PARD3: variants seen among roughly 807,000 people sequenced by gnomAD.
PARD3 encodes par-3 family cell polarity regulator, also known as partitioning defective 3 homolog.
PARD3 carries 75 observed loss-of-function variants against 155.4 expected under a neutral mutation model. That is an observed-to-expected ratio of 0.48 (90% CI 0.40 to 0.58). The LOEUF is 0.58. PARD3 is among the 20% of genes least tolerant of loss of function. PARD3 has a pLI of 0.00. For synonymous variants in PARD3, 576 were observed against 610.5 expected (o/e 0.94, Z 0.83); for missense variants, 1,642 against 1,721.7 (o/e 0.95, Z 0.82).
At chr10:34,691,800 CATCT>C (rs61185300) in intron 2 of PARD3, among the ~76,000 whole-genome samples, 64,299 of 151,730 alleles carry the variant, frequency 0.42, 15,342 homozygotes, top group African/African-American at 0.65. Context: ...CACCTACAAC[CATCT>C]ATCTGATCTT....
chr10:34,627,236 T>C lies in PARD3; in HGVS notation c.222+69082A>G, dbSNP rs1590294177. On this transcript the variant is annotated intron_variant, in intron 2 of 24. Coordinates refer to ENST00000374788, the MANE Select transcript of PARD3 (RefSeq NM_001184785.2). ...TAAACAGAGATGGGATCTCACTTTG[T>C]TGCTCAGGCTTGAACTCCTGAGCTC... 2.6e-5 allele frequency among the ~76,000 whole-genome samples: 4 copies of C among 152,134 alleles called. No individual in the cohort carries two copies. In the South Asian group the frequency reaches 8.3e-4, roughly 32 times the overall value.
chr10:34,585,543 CTTTCTT>C (rs796964301), intron 2 of PARD3, among the ~76,000 whole-genome samples: 13 of 126,846 alleles, frequency 1.0e-4, no homozygotes, highest in African/African-American at 3.5e-4. Flanking sequence ...TTTTCTTTTT[CTTTCTT>C]TTTTTTTTTG....
chr10:34,300,102 T>G (rs1026675731), intron 20 of PARD3, among the ~76,000 whole-genome samples: 1 of 152,186 alleles, frequency 6.6e-6, no homozygotes, highest in Non-Finnish European at 1.5e-5. Context: ...ATTAATAGTT[T>G]GAACATACCA....
chr10:34,665,724 G>A (rs961241342), intron 2 of PARD3, among the ~76,000 whole-genome samples: 3 of 151,768 alleles, frequency 2.0e-5, no homozygotes, highest in Admixed American at 2.0e-4. Context: ...TATAGTTCCA[G>A]CTACTCAGGA....
chr10:34,484,945 T>A (rs1029653271), intron 3 of PARD3, among the ~76,000 whole-genome samples: 3 of 152,096 alleles, frequency 2.0e-5, no homozygotes, highest in African/African-American at 7.2e-5. Flanking sequence ...TTTAGGACCT[T>A]CCTCCTCATT....
At chr10:34,132,704 G>A (rs1422614827) in intron 22 of PARD3, among the ~76,000 whole-genome samples, 1 of 152,134 alleles carries the variant, frequency 6.6e-6, no homozygotes, top group Non-Finnish European at 1.5e-5. Flanking sequence ...GGAGAGGGCG[G>A]TTCCTCAGCA....
chr10:34,495,874 T>C (rs60127563), intron 3 of PARD3, among the ~76,000 whole-genome samples: 9,822 of 150,892 alleles, frequency 0.065, 1,093 homozygotes, highest in African/African-American at 0.23. Context: ...CGTGAGGATG[T>C]GGCCCCAGAA....
intron 2 of PARD3, among the ~76,000 whole-genome samples, chr10:34,640,107 C>A (rs578240497): frequency 1.1e-4 from 17 of 152,302 alleles, no homozygotes; most frequent in African/African-American, 4.1e-4. Flanking sequence ...TCTTGTACAA[C>A]TGAAGAAAGA....
intron 22 of PARD3, among the ~76,000 whole-genome samples, chr10:34,265,248 C>T (rs1463318811): frequency 1.3e-5 from 2 of 152,192 alleles, no homozygotes; most frequent in Non-Finnish European, 2.9e-5. Context: ...GGGACTATTT[C>T]TAGACATGGC....
intron 22 of PARD3, among the ~76,000 whole-genome samples, chr10:34,240,387 G>A (rs975812249): frequency 6.6e-6 from 1 of 152,136 alleles, no homozygotes; most frequent in Non-Finnish European, 1.5e-5. Context: ...TGTTTTGGGG[G>A]CTGGATGATC....
At chr10:34,809,000 C>T (rs1843742116) in intron 1 of PARD3, among the ~76,000 whole-genome samples, 1 of 152,176 alleles carries the variant, frequency 6.6e-6, no homozygotes, top group South Asian at 2.1e-4. Context: ...TTGAACCTCG[C>T]CCAAGGCGAA....
chr10:34,341,798 G>A lies in PARD3; in HGVS notation c.2237C>T (p.Pro746Leu). The part of the protein sequence containing the change: ...SRIMGKYQLS[P>L]TVNMPQDDTV... The stretch of plus-strand genomic sequence containing the variant: ...GTCATCTTGGGGCATATTCACTGTA[G>A]GGGACAGCTGGTATTTACCTGTCCA... Residue 746 changes from proline to leucine, a missense_variant, in exon 16 of 25, where the codon CCT becomes CTT. Physicochemically the swap from Pro to Leu is moderately conservative, Grantham distance 98. Around this residue, in one of 3 missense-constraint regions of PARD3, gnomAD observed 1,529 missense variants for 1,587.3 expected, o/e 0.96. Coordinates refer to ENST00000374788, the MANE Select transcript of PARD3 (RefSeq NM_001184785.2). 1 of 1,609,624 alleles carries A rather than the reference G, an allele frequency of 6.2e-7. No homozygotes were observed. The highest frequency in any genetic ancestry group is 1.1e-5 in the South Asian group (1 of 90,592).
chr10:34,156,790 G>A (rs1949027603), intron 22 of PARD3, among the ~76,000 whole-genome samples: 1 of 151,522 alleles, frequency 6.6e-6, no homozygotes, highest in Non-Finnish European at 1.5e-5. Flanking sequence ...CGACTGCCCA[G>A]ACACTTAGTA....
intron 22 of PARD3, among the ~76,000 whole-genome samples, chr10:34,148,032 G>C (rs752442220): frequency 6.6e-6 from 1 of 152,168 alleles, no homozygotes; most frequent in African/African-American, 2.4e-5. Flanking sequence ...CCAAGTACTG[G>C]TGTGTAGGGA....
At chr10:34,571,549 T>G (rs1019570592) in intron 2 of PARD3, among the ~76,000 whole-genome samples, 3 of 152,108 alleles carry the variant, frequency 2.0e-5, no homozygotes, top group African/African-American at 7.2e-5. Flanking sequence ...AAACATAAAG[T>G]CACAAGGCTT....
chr10:34,246,857 T>C (rs1259136182), intron 22 of PARD3, among the ~76,000 whole-genome samples: 2 of 152,034 alleles, frequency 1.3e-5, no homozygotes, highest in South Asian at 2.1e-4. Context: ...CTAAAAGCGA[T>C]TAAAAGGTAA....
intron 3 of PARD3, among the ~76,000 whole-genome samples, chr10:34,511,288 T>A (rs1751701011): frequency 6.6e-6 from 1 of 152,196 alleles, no homozygotes; most frequent in African/African-American, 2.4e-5. Context: ...GATGTTGTGT[T>A]TTTTTCATCA....
In PARD3 at chr10:34,584,776, C is replaced by A. The variant is rs11009824; in HGVS notation, c.223-67617G>T. Among the ~76,000 whole-genome samples, 64 of 151,954 alleles carry A rather than the reference C, an allele frequency of 4.2e-4. No individual in the cohort carries two copies. The East Asian group carries it at 0.012, about 28-fold the overall frequency. On this transcript the variant is annotated intron_variant, in intron 2 of 24. Coordinates refer to ENST00000374788, the MANE Select transcript of PARD3 (RefSeq NM_001184785.2). ...CTGTCAATTAAGCTAACTGGGCAGA[C>A]AAAAAAATAGGCTAGTCACCCAAGA...
At chr10:34,270,016 G>A (rs1020876893) in intron 21 of PARD3, 117 bp from the exon 22 acceptor site, 2 of 1,005,846 alleles carry the variant, frequency 2.0e-6, no homozygotes, top group Admixed American at 5.0e-5. Flanking sequence ...AGCTATAGAA[G>A]ATCAGTGGTA....
Sources: gnomAD v4.1 joint callset for allele counts (sites outside exome capture counted in the v4.1 genomes callset) on GRCh38, gnomAD v4.1.1 for gene constraint, gnomAD v4.1.1 regional missense constraint, MANE v1.5 for transcripts, NCBI Gene and HGNC (gene_info 2026-07-23, HGNC 2026-07-21) for gene names.